Variants in LATS1 observed in about 807,000 individuals in gnomAD.
LATS1 encodes the protein serine/threonine-protein kinase LATS1.
In LATS1, 25 loss-of-function variants were observed where a neutral mutation model predicts 106.6. That is an observed-to-expected ratio of 0.23 (90% CI 0.17 to 0.33). The LOEUF (loss-of-function observed/expected upper bound fraction) is 0.33. Ranked by LOEUF, LATS1 falls within the 10% of genes least tolerant of loss-of-function variation. The probability of loss-of-function intolerance (pLI) is 1.00; values close to 1 mark genes in which losing one functional copy is unlikely to be tolerated. For missense variants in LATS1, 1,040 were observed against 1,382.6 expected, an observed-to-expected ratio of 0.75 and a Z score of 3.93; for synonymous variants, 465 against 455.6, an observed-to-expected ratio of 1.02 and a Z score of -0.26.
Position 149,683,559 on chromosome 6 carries a change from A to G in LATS1, c.1530T>C (p.Thr510=). Residue 510 remains threonine (T), a synonymous_variant, in exon 4 of 8, where the codon ACT becomes ACC. Transcript: ENST00000543571. ...SMRVLKPELQ[T]ALAPTHPSWI... is the part of the protein sequence containing the mutation. ...AAGAAGGGTGTGTAGGTGCTAAAGC[A>G]GTCTGTAGCTCTGGTTTTAATACAC... is the stretch of plus-strand genomic sequence containing the variant. The G allele has an allele frequency of 6.2e-7, 1 of 1,614,252 alleles. No individual in the cohort carries two copies. Among genetic ancestry groups the G allele is most frequent in the Non-Finnish European group, 8.5e-7 (1 of 1,180,048 alleles).
intron 2 of LATS1, among the ~76,000 whole-genome samples, chr6:149,700,953 T>C (rs1389831441): frequency 2.0e-5 from 3 of 152,162 alleles, no homozygotes; most frequent in Non-Finnish European, 4.4e-5. Flanking sequence ...CCAGCTAATT[T>C]GATATCTTTA....
At chr6:149,681,900 G>T (rs760449728) in intron 4 of LATS1, among the ~76,000 whole-genome samples, 2 of 152,088 alleles carry the variant, frequency 1.3e-5, no homozygotes, top group African/African-American at 4.8e-5. Flanking sequence ...GGGTCATGGC[G>T]TCAAGAGATC....
chr6:149,681,944 C>G (rs1782054882), intron 4 of LATS1, among the ~76,000 whole-genome samples: 1 of 152,082 alleles, frequency 6.6e-6, no homozygotes, highest in South Asian at 2.1e-4. Flanking sequence ...GAAACCCCGC[C>G]TCTACTAAAA....
intron 3 of LATS1, among the ~76,000 whole-genome samples, chr6:149,691,923 C>A (rs115532629): frequency 6.6e-6 from 1 of 152,156 alleles, no homozygotes; most frequent in Admixed American, 6.6e-5. Context: ...TCTACCATCA[C>A]GCACCATATG....
In LATS1 at chr6:149,676,570, C is replaced by G. The variant is rs765899026; in HGVS notation, c.2761G>C (p.Val921Leu). The change falls in exon 6 of 8, where the codon GTG becomes CTG. Residue 921 changes from valine to leucine, a missense_variant. Val to Leu is a conservative substitution (Grantham distance 32). Transcript: ENST00000543571. ...VGTPNYIAPE[V>L]LLRTGYTQLC... ...AGTGCTTTACCTGTTCGTAGCAACACTTCAGGTGCAATATAATTGGGAGTC... is the reference window on the plus strand; with the variant it reads ...AGTGCTTTACCTGTTCGTAGCAACAGTTCAGGTGCAATATAATTGGGAGTC... The G allele has an allele frequency of 1.2e-6, 2 of 1,613,808 alleles. No individual in the cohort carries two copies. Among genetic ancestry groups the G allele is most frequent in the African/African-American group, 2.7e-5 (2 of 74,922 alleles).
chr6:149,672,230 C>G (rs1705451062), intron 7 of LATS1, among the ~76,000 whole-genome samples: 2 of 148,074 alleles, frequency 1.4e-5, no homozygotes, highest in African/African-American at 5.0e-5. Flanking sequence ...TTTTTTTTGA[C>G]ATGGAGTCTC....
intron 7 of LATS1, among the ~76,000 whole-genome samples, chr6:149,666,204 A>T (rs1781139158): frequency 1.3e-5 from 2 of 152,074 alleles, no homozygotes; most frequent in Admixed American, 1.3e-4. Context: ...CCAGGATACA[A>T]TCCAAAATAA....
rs746069829 is a variant in LATS1 at position 149,676,640 on chromosome 6, T to C, written c.2691A>G (p.Arg897=). 2 of 1,614,144 alleles carry C rather than the reference T, an allele frequency of 1.2e-6. No individual in the cohort carries two copies. Among genetic ancestry groups the C allele is most frequent in the Non-Finnish European group, 1.7e-6 (2 of 1,180,026 alleles). The change falls in exon 6 of 8, where the codon AGA becomes AGG. Residue 897 remains arginine (R), a synonymous_variant. Transcript: ENST00000543571. ...GACATCGCTGGTGCTGGCGTGCAGC[T>C]CTCCGCTCTAATGGCTTCAGTCTGT... ...CGDRLKPLER[R]AARQHQRCLA...
chr6:149,709,937 G>T (rs370990507), intron 1 of LATS1, among the ~76,000 whole-genome samples: 1 of 151,436 alleles, frequency 6.6e-6, no homozygotes, highest in Non-Finnish European at 1.5e-5. Context: ...GCCTCCCAAG[G>T]TGTTGGGATT....
chr6:149,709,534 CTG>C (rs1395571284), intron 1 of LATS1, among the ~76,000 whole-genome samples: 2 of 152,128 alleles, frequency 1.3e-5, no homozygotes, highest in Non-Finnish European at 2.9e-5. Flanking sequence ...TGTATTATCT[CTG>C]AAGCCTGCCA....
intron 1 of LATS1, among the ~76,000 whole-genome samples, chr6:149,707,555 A>G (rs1223506562): frequency 6.6e-6 from 1 of 152,150 alleles, no homozygotes; most frequent in Non-Finnish European, 1.5e-5. Flanking sequence ...TGGACCAGAG[A>G]AATTCATTCT....
In LATS1 at chr6:149,708,775, A is replaced by T. The variant is rs561307428; in HGVS notation, c.-140-6509T>A. 5.4e-3 allele frequency among the ~76,000 whole-genome samples: 828 copies of T among 152,306 alleles called. 7 individuals carry two copies. Among genetic ancestry groups the T allele is most frequent in the African/African-American group, 0.019 (788 of 41,580 alleles). On this transcript the variant is annotated intron_variant, in intron 1 of 7. Coordinates refer to ENST00000543571, the MANE Select transcript of LATS1 (RefSeq NM_004690.4). Reference sequence around the variant, plus strand: ...TACTGACTCCCACTGAACTCTGAGCAAGAGAAACATTTCTGTTGTGTTAAG... The same window carrying T: ...TACTGACTCCCACTGAACTCTGAGCTAGAGAAACATTTCTGTTGTGTTAAG...
intron 5 of LATS1, among the ~76,000 whole-genome samples, chr6:149,677,743 T>C (rs1360299505): frequency 6.6e-6 from 1 of 152,146 alleles, no homozygotes; most frequent in Non-Finnish European, 1.5e-5. Flanking sequence ...ACTGTAATAT[T>C]TATCTGGGAT....
At chr6:149,668,434 C>T (rs1299668770) in intron 7 of LATS1, among the ~76,000 whole-genome samples, 2 of 140,156 alleles carry the variant, frequency 1.4e-5, no homozygotes, top group African/African-American at 2.7e-5. Flanking sequence ...GACTATTCTT[C>T]TCATCTTGAT....
intron 3 of LATS1, among the ~76,000 whole-genome samples, chr6:149,687,495 T>A (rs1782457320): frequency 6.6e-6 from 1 of 152,008 alleles, no homozygotes; most frequent in Admixed American, 6.6e-5. Context: ...AGTGGCATGA[T>A]CATGAATCAC....
intron 1 of LATS1, among the ~76,000 whole-genome samples, chr6:149,706,227 T>C (rs1279234382): frequency 3.4e-5 from 3 of 89,366 alleles, no homozygotes; most frequent in African/African-American, 1.2e-4. Context: ...AAAAAAAAGA[T>C]ATTCCTGGCT....
At chr6:149,710,120 G>A (rs546279622) in intron 1 of LATS1, among the ~76,000 whole-genome samples, 1 of 152,182 alleles carries the variant, frequency 6.6e-6, no homozygotes, top group African/African-American at 2.4e-5. Flanking sequence ...CTTCCTTTCT[G>A]GACCTAACCA....
intron 3 of LATS1, among the ~76,000 whole-genome samples, chr6:149,690,372 C>T (rs1344892669): frequency 3.3e-5 from 5 of 151,710 alleles, no homozygotes; most frequent in South Asian, 2.1e-4. Flanking sequence ...CACCACCACG[C>T]CCAGCTAATT....
At chr6:149,709,668 CTTTTTT>C (rs142425039) in intron 1 of LATS1, among the ~76,000 whole-genome samples, 1 of 75,504 alleles carries the variant, frequency 1.3e-5, no homozygotes, top group Non-Finnish European at 2.5e-5. Flanking sequence ...AACCCCTTAT[CTTTTTT>C]TTTTTTTTTT....
Sources: gnomAD v4.1 joint callset for allele counts (sites outside exome capture counted in the v4.1 genomes callset) on GRCh38, gnomAD v4.1.1 for gene constraint, MANE v1.5 for transcripts, NCBI Gene and HGNC (gene_info 2026-07-23, HGNC 2026-07-21) for gene names.